The following MYRFL variants were observed in gnomAD, a reference collection of about 807,000 sequenced individuals.
MYRFL encodes myelin regulatory factor like.
A neutral mutation model predicts 109.4 loss-of-function variants in MYRFL; 88 were observed. The ratio of observed to expected loss-of-function variants is 0.80; its 90% CI spans 0.68 to 0.96. The LOEUF is 0.96. Ranked by LOEUF, MYRFL falls within the 40% of genes least tolerant of loss-of-function variation. The pLI is 0.00. For synonymous variants in MYRFL, 324 were observed against 320.9 expected, an observed-to-expected ratio of 1.01 and a Z score of -0.10; for missense variants, 957 against 954.9, an observed-to-expected ratio of 1.00 and a Z score of -0.03.
chr12:69,863,002 G>A (rs1160930615), intron 2 of MYRFL, among the ~76,000 whole-genome samples: 2 of 152,060 alleles, frequency 1.3e-5, no homozygotes, highest in African/African-American at 2.4e-5. Flanking sequence ...CATCTATTGA[G>A]ATAATCATGT....
chr12:69,934,736 A>G (rs1224173607), intron 16 of MYRFL, among the ~76,000 whole-genome samples: 1 of 152,200 alleles, frequency 6.6e-6, no homozygotes, highest in African/African-American at 2.4e-5. Flanking sequence ...AAGTCAGGTC[A>G]TCTCTTCCCC....
chr12:69,940,752 A>T (rs56145307), intron 19 of MYRFL, among the ~76,000 whole-genome samples: 1 of 140,522 alleles, frequency 7.1e-6, no homozygotes, highest in African/African-American at 2.6e-5. Flanking sequence ...TTGGATAAAG[A>T]GTCAAGACCC....
At chr12:69,922,223 C>T (rs1954934607) in intron 13 of MYRFL, among the ~76,000 whole-genome samples, 1 of 151,962 alleles carries the variant, frequency 6.6e-6, no homozygotes, top group Non-Finnish European at 1.5e-5. Flanking sequence ...AATAATACAG[C>T]TGTAATTATA....
At chr12:69,898,503 C>A (rs953644937) in intron 10 of MYRFL, among the ~76,000 whole-genome samples, 4 of 152,166 alleles carry the variant, frequency 2.6e-5, no homozygotes, top group African/African-American at 9.7e-5. Context: ...TACAGAGGTG[C>A]CTGTCCATCC....
Position 69,958,529 on chromosome 12 carries a change from T to G in MYRFL, c.2731T>G (p.Ter911GluextTer46). The change falls in exon 25 of 25, where the codon TAA becomes GAA. Residue 911 changes from the stop codon to glutamate, a stop_lost. Transcript: ENST00000552032. ...CTTTTACTTCTATCGACGCTGTGCC[T>G]AATTTGTTCAAGTTTGGGGACTTTA... ...YFFYFYRRCA[*>E] 3 of 1,530,630 alleles carry G rather than the reference T, an allele frequency of 2.0e-6. No homozygotes were observed. The highest frequency in any genetic ancestry group is 2.6e-6 in the Non-Finnish European group (3 of 1,144,826). 94.8% of individuals were successfully genotyped at this position (1,530,630 alleles called of 1,614,324 possible).
chr12:69,855,330 T>C lies in MYRFL; in HGVS notation c.97T>C (p.Leu33=), dbSNP rs1270370950. ...LENPALDTSL[L]EEFLGNDFDL... is the part of the protein sequence containing the mutation. ...GAACCCAGCCCTGGACACAAGTCTG[T>C]TGGAGGAATTTCTGGGCAATGACTT... The change falls in exon 2 of 25, where the codon TTG becomes CTG. Residue 33 remains leucine (L), a synonymous_variant. Coordinates refer to ENST00000552032, the MANE Select transcript of MYRFL (RefSeq NM_182530.3). 4 of 702,576 alleles carry C rather than the reference T, an allele frequency of 5.7e-6. No homozygotes were observed. The African/African-American group carries it at 7.0e-5, about 12-fold the overall frequency. 43.5% of individuals were successfully genotyped at this position (702,576 alleles called of 1,614,324 possible).
intron 2 of MYRFL, among the ~76,000 whole-genome samples, chr12:69,866,628 A>C (rs990519534): frequency 6.6e-6 from 1 of 152,140 alleles, no homozygotes; most frequent in African/African-American, 2.4e-5. Flanking sequence ...TATTGCCTAC[A>C]ATGTGTGTCT....
rs138901473 is a variant in MYRFL, at chr12:69,880,291, G to A, written c.555G>A (p.Pro185=). The change falls in exon 5 of 25, where the codon CCG becomes CCA. Residue 185 remains proline, a splice_region_variant and synonymous_variant. Coordinates refer to ENST00000552032, the MANE Select transcript of MYRFL (RefSeq NM_182530.3). The part of the protein sequence containing the change: ...ECRVWACHCR[P]MTSRSRSSEV... ...GAGTGTGGGCCTGCCACTGCAGACC[G>A]AGTGAGCAAACCTGGGTGGGAACAA... The A allele has an allele frequency of 1.9e-3, 1,369 of 702,534 alleles. No homozygotes were observed. The highest frequency in any genetic ancestry group is 2.6e-3 in the Non-Finnish European group (1,014 of 384,712). The allele number at this position is 702,534 out of a possible 1,614,324, so 43.5% of individuals were successfully genotyped here.
intron 8 of MYRFL, 24 bp from the exon 9 acceptor site, chr12:69,895,344 GTTT>G (rs139690592): frequency 8.2e-7 from 1 of 1,226,186 alleles, no homozygotes; most frequent in Non-Finnish European, 1.1e-6. Context: ...TAGTCTCTTG[GTTT>G]TTTTTTTTTG....
intron 10 of MYRFL, 148 bp downstream of exon 10, chr12:69,897,394 G>A (rs1172709171): frequency 4.3e-6 from 3 of 704,516 alleles, no homozygotes; most frequent in East Asian, 5.5e-5. Flanking sequence ...TCACACAGTG[G>A]TTCACAACCA....
chr12:69,910,717 T>C (rs921829037), intron 12 of MYRFL, 104 bp from the exon 13 acceptor site: 2 of 715,482 alleles, frequency 2.8e-6, no homozygotes, highest in Non-Finnish European at 4.4e-6. Flanking sequence ...CAAAATTCCT[T>C]CTTTGCTGCA....
intron 4 of MYRFL, 30 bp from the exon 5 acceptor site, chr12:69,880,171 C>A: frequency 1.4e-6 from 1 of 701,374 alleles, no homozygotes; most frequent in African/African-American, 1.7e-5. Context: ...AGGAAGAATC[C>A]TAACCTTCGT....
At chr12:69,911,131 A>G (rs1954553316) in intron 13 of MYRFL, among the ~76,000 whole-genome samples, 1 of 152,224 alleles carries the variant, frequency 6.6e-6, no homozygotes, top group Non-Finnish European at 1.5e-5. Context: ...GAAGTTCCAT[A>G]TGATAAAAAG....
In MYRFL at chr12:69,825,297, A is replaced by T. The variant is rs554319055; in HGVS notation, c.-221A>T. 95 of 678,870 alleles carry T rather than the reference A, an allele frequency of 1.4e-4. No homozygotes were observed. The East Asian group carries it at 2.4e-3, about 17-fold the overall frequency. 42.1% of individuals were successfully genotyped at this position (678,870 alleles called of 1,614,324 possible). A position where few individuals can be genotyped will look rare whatever the true frequency, so the allele number is the denominator to read the frequency against. ...TCTTCCCTCTTCATGAATTTTTTTT[A>T]AATGTATGGTTGTATATCCTTCCAG... On this transcript the variant is annotated 5_prime_UTR_variant, in exon 1 of 25. It removes the in-frame stop codon of an upstream open reading frame in the 5' UTR. Transcript: ENST00000552032.
At chr12:69,864,897 C>T (rs1481564114) in intron 2 of MYRFL, among the ~76,000 whole-genome samples, 2 of 152,210 alleles carry the variant, frequency 1.3e-5, no homozygotes, top group Non-Finnish European at 2.9e-5. Flanking sequence ...TGTATGGTCT[C>T]TCTCCTCTTA....
At chr12:69,856,766 G>C (rs1402024176) in intron 2 of MYRFL, among the ~76,000 whole-genome samples, 1 of 151,730 alleles carries the variant, frequency 6.6e-6, no homozygotes, top group Non-Finnish European at 1.5e-5. Context: ...TTTAAGTTTA[G>C]AAAAATTTTT....
chr12:69,861,828 C>T (rs1289362964), intron 2 of MYRFL, among the ~76,000 whole-genome samples: 4 of 150,830 alleles, frequency 2.7e-5, no homozygotes, highest in Non-Finnish European at 4.5e-5. Flanking sequence ...TTGCCCATGC[C>T]TATGTCCTGA....
chr12:69,926,653 T>G lies in MYRFL; in HGVS notation c.1685T>G (p.Leu562Ter). ...AACCTTGAGGAAAGAATAGAAGAGT[T>G]AGAAATATGGAACAGAAAGCTGGCC... ...TNNLEERIEELEIWNRKLARL... is the reference protein window; with the variant it reads ...TNNLEERIEE The change falls in exon 14 of 25, where the codon TTA becomes TGA. Residue 562 changes from leucine to a stop codon, truncating the protein, a stop_gained. Transcript: ENST00000552032. LOFTEE classifies it high-confidence loss of function. 1 of 1,529,886 alleles carries G rather than the reference T, an allele frequency of 6.5e-7. No homozygotes were observed. Among genetic ancestry groups the G allele is most frequent in the Non-Finnish European group, 8.7e-7 (1 of 1,143,294 alleles). The allele number at this position is 1,529,886 out of a possible 1,614,324, so 94.8% of individuals were successfully genotyped here.
intron 13 of MYRFL, among the ~76,000 whole-genome samples, chr12:69,923,605 A>C (rs1189154717): frequency 6.6e-6 from 1 of 152,106 alleles, no homozygotes; most frequent in Non-Finnish European, 1.5e-5. Flanking sequence ...TATGTGTGCT[A>C]TCTATGTGTG....
Sources: gnomAD v4.1 joint callset for allele counts (sites outside exome capture counted in the v4.1 genomes callset) on GRCh38, gnomAD v4.1.1 for gene constraint, MANE v1.5 for transcripts, NCBI Gene and HGNC (gene_info 2026-07-23, HGNC 2026-07-21) for gene names.